ERP44: variants seen among roughly 807,000 people sequenced by gnomAD.
ERP44 encodes the protein endoplasmic reticulum resident protein 44.
In ERP44, 25 loss-of-function variants were observed where a neutral mutation model predicts 53.4. That is an observed-to-expected ratio of 0.47 (90% CI 0.34 to 0.65). The LOEUF (loss-of-function observed/expected upper bound fraction) is 0.65, where lower values mean the gene tolerates loss of function less well. Ranked by LOEUF, ERP44 falls within the 30% of genes least tolerant of loss-of-function variation. The pLI is 0.01. For missense variants in ERP44, 338 were observed against 493.2 expected (o/e 0.69, Z 2.98); for synonymous variants, 145 against 161.2 (o/e 0.90, Z 0.76).
intron 4 of ERP44, among the ~76,000 whole-genome samples, chr9:100,047,904 C>A (rs910580039): frequency 2.6e-5 from 4 of 152,062 alleles, no homozygotes; most frequent in African/African-American, 9.7e-5. Context: ...ACCCAAATAA[C>A]CTGATTTTAA....
intron 4 of ERP44, among the ~76,000 whole-genome samples, chr9:100,036,962 C>T (rs1825853125): frequency 6.6e-6 from 1 of 152,062 alleles, no homozygotes; most frequent in African/African-American, 2.4e-5. Context: ...ACCAATTGTC[C>T]CTCCTGCAAA....
chr9:100,098,724 TG>T, intron 1 of ERP44, 59 bp downstream of exon 1: 1 of 1,417,444 alleles, frequency 7.1e-7, no homozygotes, highest in Non-Finnish European at 1.0e-6. Context: ...GTGTTCCCCC[TG>T]GGCGAGGGCC....
rs1276607486 is a variant in ERP44 at position 100,018,402 on chromosome 9, T to C, written c.588-89A>G. ...ACTTGAAATATATACTTATCCATCA[T>C]CTTCCCTATTACAAGACTATGCAAT... On this transcript the variant is annotated intron_variant, in intron 6 of 11. Transcript: ENST00000262455. 7 of 796,274 alleles carry C rather than the reference T, an allele frequency of 8.8e-6. No individual in the cohort carries two copies. The Admixed American group carries it at 1.2e-4, about 14-fold the overall frequency. 49.3% of individuals were successfully genotyped at this position (796,274 alleles called of 1,614,324 possible). A position where few individuals can be genotyped will look rare whatever the true frequency, so the allele number is the denominator to read the frequency against.
chr9:100,011,240 A>G (rs1830473484), intron 8 of ERP44, among the ~76,000 whole-genome samples: 1 of 152,176 alleles, frequency 6.6e-6, no homozygotes, highest in African/African-American at 2.4e-5. Flanking sequence ...CTATAAAACT[A>G]TGACACACCA....
intron 4 of ERP44, among the ~76,000 whole-genome samples, chr9:100,035,100 T>A (rs554304141): frequency 6.6e-6 from 1 of 152,256 alleles, no homozygotes; most frequent in South Asian, 2.1e-4. Context: ...CTTAAACATA[T>A]GACATCAGAC....
intron 1 of ERP44, among the ~76,000 whole-genome samples, chr9:100,068,331 TG>T (rs1327634196): frequency 2.0e-4 from 19 of 94,378 alleles, no homozygotes; most frequent in South Asian, 7.6e-4. Context: ...GGGAGGGAGG[TG>T]GGGGGGTCAG....
intron 11 of ERP44, among the ~76,000 whole-genome samples, chr9:99,984,452 A>G (rs1372811197): frequency 6.6e-6 from 1 of 152,224 alleles, no homozygotes; most frequent in African/African-American, 2.4e-5. Flanking sequence ...TTGATAAAAT[A>G]GTTGTCAAGT....
chr9:100,080,833 G>C (rs1160910948), intron 1 of ERP44, among the ~76,000 whole-genome samples: 4 of 152,094 alleles, frequency 2.6e-5, no homozygotes, highest in African/African-American at 9.6e-5. Context: ...CGTGGGTACA[G>C]GAAACTAACA....
rs1253577454 is a variant in ERP44 at position 99,980,515 on chromosome 9, C to G, written c.*2097G>C. ...AACCTTTTTATCCACGCTGTCCTTT[C>G]ATCCAAGCACTTGAGCTTAGTGACT... On this transcript the variant is annotated 3_prime_UTR_variant, in exon 12 of 12. Transcript: ENST00000262455. The G allele has an allele frequency of 1.3e-5, 2 of 153,100 alleles. No individual in the cohort carries two copies. Among genetic ancestry groups the G allele is most frequent in the Non-Finnish European group, 2.9e-5 (2 of 68,692 alleles). The allele number at this position is 153,100 out of a possible 1,614,324, so 9.5% of individuals were successfully genotyped here.
chr9:100,005,798 T>TA (rs1830419517), intron 10 of ERP44, among the ~76,000 whole-genome samples: 1 of 152,214 alleles, frequency 6.6e-6, no homozygotes, highest in Non-Finnish European at 1.5e-5. Flanking sequence ...TCTTTTGAGA[T>TA]AAAAATGGCA....
rs867420449 is a variant in ERP44, at chr9:100,079,150, C to T, written c.58-18978G>A. Among the ~76,000 whole-genome samples, 20 of 152,118 alleles carry T rather than the reference C, an allele frequency of 1.3e-4. No individual in the cohort carries two copies. In the Middle Eastern group the frequency reaches 0.01, roughly 78 times the overall value. ...AGTGGGCTGGGAAAGGCAGACCCAC[C>T]CCTAATCTGGGTGGGCACTATTTAA... On this transcript the variant is annotated intron_variant, in intron 1 of 11. Coordinates refer to ENST00000262455, the MANE Select transcript of ERP44 (RefSeq NM_015051.3).
At chr9:99,992,237 C>A (rs532310692) in intron 10 of ERP44, among the ~76,000 whole-genome samples, 2 of 152,288 alleles carry the variant, frequency 1.3e-5, no homozygotes, top group African/African-American at 4.8e-5. Context: ...AGACCAGTAA[C>A]CCTGATGAAC....
intron 4 of ERP44, among the ~76,000 whole-genome samples, chr9:100,023,550 T>C (rs974074086): frequency 3.3e-5 from 5 of 151,484 alleles, no homozygotes; most frequent in African/African-American, 1.2e-4. Context: ...CACTTCAGCC[T>C]CCAGAGTAGC....
At chr9:100,043,950 T>C (rs1303918219) in intron 4 of ERP44, among the ~76,000 whole-genome samples, 4 of 152,234 alleles carry the variant, frequency 2.6e-5, no homozygotes, top group Non-Finnish European at 5.9e-5. Context: ...ATTATCCTGA[T>C]GTAACCATTA....
intron 1 of ERP44, among the ~76,000 whole-genome samples, chr9:100,067,956 G>C (rs1192763118): frequency 6.6e-6 from 1 of 151,104 alleles, no homozygotes; most frequent in Non-Finnish European, 1.5e-5. Flanking sequence ...GTCTCCGCCC[G>C]GCAGCCACCC....
chr9:100,023,429 T>G (rs1235209160), intron 4 of ERP44, among the ~76,000 whole-genome samples: 1 of 124,404 alleles, frequency 8.0e-6, no homozygotes, highest in Non-Finnish European at 1.7e-5. Flanking sequence ...AAACTTTGAT[T>G]TCTTTTTTTT....
At chr9:100,063,092 A>AAAAAAAAAAAAG (rs773290883) in intron 1 of ERP44, among the ~76,000 whole-genome samples, 6 of 145,266 alleles carry the variant, frequency 4.1e-5, no homozygotes, top group African/African-American at 1.3e-4. Flanking sequence ...AAAAAAAAAA[A>AAAAAAAAAAAAG]AGAGAGAGAG....
At chr9:99,984,268 C>G (rs1352674860) in intron 11 of ERP44, among the ~76,000 whole-genome samples, 7 of 151,878 alleles carry the variant, frequency 4.6e-5, no homozygotes, top group Admixed American at 3.3e-4. Flanking sequence ...GGTTTTGGTA[C>G]ATATCTTCCC....
intron 5 of ERP44, among the ~76,000 whole-genome samples, 160 bp from the exon 6 acceptor site, chr9:100,020,891 G>C (rs1361531952): frequency 1.3e-5 from 2 of 152,166 alleles, no homozygotes; most frequent in African/African-American, 2.4e-5. Context: ...GTCCAAAACT[G>C]TTAAAGATTA....
Sources: allele counts gnomAD v4.1 joint callset (sites outside exome capture counted in the v4.1 genomes callset), GRCh38; gene constraint gnomAD v4.1.1; transcripts MANE v1.5; gene names NCBI Gene and HGNC (gene_info 2026-07-23, HGNC 2026-07-21).